The following DHRS3 variants were observed in gnomAD, a reference collection of about 807,000 sequenced individuals.
DHRS3 encodes short-chain dehydrogenase/reductase 3.
Under a neutral mutation model 27.2 loss-of-function variants are expected in DHRS3, and 14 were observed. The observed-to-expected ratio is 0.52, with a 90% confidence interval of 0.34 to 0.81. DHRS3 has a LOEUF of 0.81. Among genes scored for constraint, DHRS3 ranks in the 30% least tolerant of loss-of-function variants. The pLI is 0.01. For synonymous variants in DHRS3, 165 were observed against 175.9 expected, an observed-to-expected ratio of 0.94 and a Z score of 0.49; for missense variants, 322 against 406.2, an observed-to-expected ratio of 0.79 and a Z score of 1.78.
chr1:12,577,389 C>T (rs953849754), intron 4 of DHRS3, among the ~76,000 whole-genome samples: 15 of 152,198 alleles, frequency 9.9e-5, no homozygotes, highest in Admixed American at 6.5e-4. Context: ...CAGTAATTAA[C>T]GGGACCCAAT....
At chr1:12,612,474 G>A (rs1371540269) in intron 1 of DHRS3, among the ~76,000 whole-genome samples, 2 of 152,148 alleles carry the variant, frequency 1.3e-5, no homozygotes, top group Non-Finnish European at 2.9e-5. Flanking sequence ...GTGGTTTCTT[G>A]TACCTAGATT....
At chr1:12,613,824 C>T (rs1451105544) in intron 1 of DHRS3, among the ~76,000 whole-genome samples, 1 of 152,144 alleles carries the variant, frequency 6.6e-6, no homozygotes, top group Non-Finnish European at 1.5e-5. Flanking sequence ...GGCTGGAGTG[C>T]AATGGCGTGA....
intron 1 of DHRS3, among the ~76,000 whole-genome samples, chr1:12,601,743 T>C (rs1436149849): frequency 2.6e-5 from 4 of 152,140 alleles, no homozygotes; most frequent in African/African-American, 7.2e-5. Context: ...CACCCTGGGT[T>C]CCAATCCTGC....
chr1:12,613,792 CAG>C (rs1250651391), intron 1 of DHRS3, among the ~76,000 whole-genome samples: 2 of 152,008 alleles, frequency 1.3e-5, no homozygotes, highest in African/African-American at 2.4e-5. Context: ...GTTTTTGAGA[CAG>C]AGTTTTGCTC....
intron 1 of DHRS3, among the ~76,000 whole-genome samples, chr1:12,601,086 G>A (rs1646832878): frequency 6.6e-6 from 1 of 152,026 alleles, no homozygotes; most frequent in Non-Finnish European, 1.5e-5. Flanking sequence ...TGGCTCTCCT[G>A]GCTGTTTCCA....
In DHRS3 at chr1:12,579,257, C is replaced by T. The variant is rs10449317; in HGVS notation, c.459+36G>A. 1,270 of 1,613,984 alleles carry T rather than the reference C, an allele frequency of 7.9e-4. 9 individuals carry two copies. In the African/African-American group the frequency reaches 0.013, roughly 17 times the overall value. ...CTCCATCCTGCCTGGGCTCCCTGCA[C>T]GCCCGGGGCTGGCTCTGGCCCCGGA... On this transcript the variant is annotated intron_variant, in intron 3 of 5. Transcript: ENST00000616661.
At position 12,581,225 on chromosome 1, in the gene DHRS3, T is replaced by C. The variant is rs565431185; in HGVS notation, c.196-559A>G. On this transcript the variant is annotated intron_variant, in intron 1 of 5. Coordinates refer to ENST00000616661, the MANE Select transcript of DHRS3 (RefSeq NM_004753.7). Reference sequence around the variant, plus strand: ...ATCAATTGATGTGTATTTACAAGTTTTTCTTGTATATTACTTTTAGCAGGC... The same window carrying C: ...ATCAATTGATGTGTATTTACAAGTTCTTCTTGTATATTACTTTTAGCAGGC... Among the ~76,000 whole-genome samples, 4 of 152,336 alleles carry C rather than the reference T, an allele frequency of 2.6e-5. No homozygotes were observed. In the South Asian group the frequency reaches 8.3e-4, roughly 32 times the overall value.
rs1384978932 is a variant in DHRS3 at position 12,617,530 on chromosome 1, A to G, written c.-182T>C. The G allele has an allele frequency of 4.3e-6, 2 of 460,380 alleles. No homozygotes were observed. The highest frequency in any genetic ancestry group is 8.4e-5 in the Admixed American group (2 of 23,838). The allele number at this position is 460,380 out of a possible 1,614,324, so 28.5% of individuals were successfully genotyped here. ...ACCGGGTGAGAAAAAGAAAAAAAAA[A>G]AAAAAAAAAAGATAAATTCTCCTCT... is the stretch of plus-strand genomic sequence containing the variant. On this transcript the variant is annotated 5_prime_UTR_variant, in exon 1 of 6. Coordinates refer to ENST00000616661, the MANE Select transcript of DHRS3 (RefSeq NM_004753.7).
intron 1 of DHRS3, among the ~76,000 whole-genome samples, chr1:12,613,088 G>T (rs191133034): frequency 2.6e-5 from 4 of 151,622 alleles, no homozygotes; most frequent in African/African-American, 9.7e-5. Context: ...ATGACGGGAC[G>T]TAGACACACA....
Position 12,591,691 on chromosome 1 carries a change from A to T in DHRS3, c.196-11025T>A, listed in dbSNP as rs1370749326. Among the ~76,000 whole-genome samples, 1 of 152,232 alleles carries T rather than the reference A, an allele frequency of 6.6e-6. No homozygotes were observed. The highest frequency in any genetic ancestry group is 2.4e-5 in the African/African-American group (1 of 41,470). On this transcript the variant is annotated intron_variant, in intron 1 of 5. Transcript: ENST00000616661. This position sits in a 1 kb window ranked among gnomAD's most constrained non-coding sequence, Gnocchi z 4.1. ...GGCTCATACCCGAGAAAACTGATAC[A>T]CGAAGGGGCTATGTAATTCCAAGCG...
At chr1:12,577,918 G>A (rs190767355) in intron 4 of DHRS3, among the ~76,000 whole-genome samples, 5 of 152,268 alleles carry the variant, frequency 3.3e-5, no homozygotes, top group East Asian at 1.9e-4. Context: ...TAACTTTCAC[G>A]TATTTAATGA....
intron 1 of DHRS3, among the ~76,000 whole-genome samples, chr1:12,583,590 T>TATCCATCCATCC (rs111034356): frequency 9.5e-5 from 9 of 94,970 alleles, no homozygotes; most frequent in East Asian, 7.4e-4. Context: ...CTCACCTACT[T>TATCCATCCATCC]ATCCATCCAT....
At chr1:12,610,775 T>C (rs772564966) in intron 1 of DHRS3, among the ~76,000 whole-genome samples, 1 of 152,250 alleles carries the variant, frequency 6.6e-6, no homozygotes, top group Non-Finnish European at 1.5e-5. Context: ...ATCTGAATAA[T>C]ATGTTTGAAA....
intron 1 of DHRS3, among the ~76,000 whole-genome samples, chr1:12,582,971 CCCAT>C (rs1159656508): frequency 2.0e-5 from 3 of 150,232 alleles, no homozygotes; most frequent in Non-Finnish European, 4.4e-5. Context: ...TACTTCTCCA[CCCAT>C]CCATCCATCT....
intron 5 of DHRS3, among the ~76,000 whole-genome samples, chr1:12,568,716 A>T (rs372498488): frequency 2.0e-5 from 3 of 152,182 alleles, no homozygotes; most frequent in East Asian, 1.9e-4. Flanking sequence ...GCTTGAGCCC[A>T]GGAATTCAAG....
intron 1 of DHRS3, chr1:12,600,527 A>AGTC: frequency 2.8e-6 from 1 of 351,930 alleles, no homozygotes; most frequent in Non-Finnish European, 4.0e-6. Context: ...GTCTGGCAGG[A>AGTC]CTGCCTGCCT....
At chr1:12,569,413 A>G (rs1435519230) in intron 5 of DHRS3, among the ~76,000 whole-genome samples, 1 of 152,116 alleles carries the variant, frequency 6.6e-6, no homozygotes, top group Admixed American at 6.6e-5. Flanking sequence ...TAGTAGGTAT[A>G]TATATTTATG....
chr1:12,611,152 G>A (rs1479355688), intron 1 of DHRS3, among the ~76,000 whole-genome samples: 1 of 152,216 alleles, frequency 6.6e-6, no homozygotes, highest in Non-Finnish European at 1.5e-5. Flanking sequence ...GGGCTTGGAA[G>A]GGATCTGTGC....
intron 4 of DHRS3, among the ~76,000 whole-genome samples, chr1:12,577,429 G>C (rs1313743319): frequency 6.6e-6 from 1 of 152,198 alleles, no homozygotes; most frequent in Non-Finnish European, 1.5e-5. Flanking sequence ...CTATGAGGGA[G>C]TCACCACCCC....
Sources: allele counts gnomAD v4.1 joint callset (sites outside exome capture counted in the v4.1 genomes callset), GRCh38; gene constraint gnomAD v4.1.1; non-coding constraint Gnocchi (gnomAD v3.1); transcripts MANE v1.5; gene names NCBI Gene and HGNC (gene_info 2026-07-23, HGNC 2026-07-21).